The following SND1 variants were observed in gnomAD, a reference collection of about 807,000 sequenced individuals.
SND1 encodes staphylococcal nuclease and tudor domain containing 1.
Under a neutral mutation model 121.7 loss-of-function variants are expected in SND1, and 38 were observed. The observed-to-expected ratio is 0.31, with a 90% CI of 0.24 to 0.41. The LOEUF (loss-of-function observed/expected upper bound fraction) is 0.41. Ranked by LOEUF, SND1 falls within the 10% of genes least tolerant of loss-of-function variation. The pLI, the probability that SND1 is intolerant of heterozygous loss-of-function variation, is 1.00. For synonymous variants in SND1, 401 were observed against 447.4 expected (o/e 0.90, Z 1.31); for missense variants, 868 against 1,184.6 (o/e 0.73, Z 3.92).
intron 15 of SND1, 68 bp downstream of exon 15, chr7:127,929,397 T>G: frequency 6.5e-7 from 1 of 1,533,186 alleles, no homozygotes; most frequent in Non-Finnish European, 9.0e-7. Context: ...TACCCTCCTT[T>G]CCCCCTGTGT....
At chr7:127,734,232 C>T (rs1796733008) in intron 10 of SND1, among the ~76,000 whole-genome samples, 1 of 152,126 alleles carries the variant, frequency 6.6e-6, no homozygotes, top group African/African-American at 2.4e-5. Context: ...TAGCTTAGAA[C>T]ATCTCCTGAG....
At chr7:128,065,931 C>G (rs1220278620) in intron 16 of SND1, among the ~76,000 whole-genome samples, 2 of 152,210 alleles carry the variant, frequency 1.3e-5, no homozygotes, top group East Asian at 3.9e-4. Flanking sequence ...TAGCCACATC[C>G]CTGGCACCAG....
chr7:128,044,322 C>T (rs1181820417), intron 16 of SND1, among the ~76,000 whole-genome samples: 1 of 152,170 alleles, frequency 6.6e-6, no homozygotes, highest in Non-Finnish European at 1.5e-5. Context: ...CAGGCCGCAT[C>T]CACAAAGGGA....
At chr7:127,657,425 A>C (rs1450103758) in intron 1 of SND1, among the ~76,000 whole-genome samples, 1 of 152,194 alleles carries the variant, frequency 6.6e-6, no homozygotes, top group Non-Finnish European at 1.5e-5. Flanking sequence ...ACCATAAAGG[A>C]AGGGCGTTCC....
chr7:127,916,542 A>G (rs991498605), intron 14 of SND1, among the ~76,000 whole-genome samples: 1 of 152,200 alleles, frequency 6.6e-6, no homozygotes, highest in Admixed American at 6.5e-5. Context: ...TCCAGAGAAT[A>G]TTAAGAGAGA....
rs530894533 is a variant in SND1, at chr7:127,976,379, A to G, written c.1670-14568A>G. On this transcript the variant is annotated intron_variant, in intron 15 of 23. Transcript: ENST00000354725. ...AGTTAATACCTCCTGCATGGCTGCA[A>G]AAATAAAGACCAGATGCGGGTCTGT... Among the ~76,000 whole-genome samples the G allele has an allele frequency of 2.6e-5, 4 of 152,386 alleles. No homozygotes were observed. The South Asian group carries it at 6.2e-4, about 24-fold the overall frequency.
At chr7:127,703,471 T>C in intron 7 of SND1, 148 bp downstream of exon 7, 1 of 938,536 alleles carries the variant, frequency 1.1e-6, no homozygotes, top group Admixed American at 2.9e-5. Flanking sequence ...CCCACCACTT[T>C]GGGAGGCCAA....
At chr7:127,743,624 T>A (rs771333264) in intron 10 of SND1, among the ~76,000 whole-genome samples, 1 of 152,204 alleles carries the variant, frequency 6.6e-6, no homozygotes, top group Non-Finnish European at 1.5e-5. Context: ...GTGATTGGAT[T>A]CAGTAAGTCT....
At chr7:127,927,560 C>G (rs1335079819) in intron 14 of SND1, among the ~76,000 whole-genome samples, 1 of 152,154 alleles carries the variant, frequency 6.6e-6, no homozygotes, top group Non-Finnish European at 1.5e-5. Context: ...CTTAAGTGTT[C>G]AATGGGGAAG....
chr7:127,665,193 T>C (rs1326864939), intron 1 of SND1, among the ~76,000 whole-genome samples: 6 of 152,038 alleles, frequency 3.9e-5, no homozygotes, highest in Non-Finnish European at 7.4e-5. Context: ...GTCAACATTT[T>C]TTTTTTTTTT....
At chr7:127,773,191 C>T (rs149130550) in intron 10 of SND1, among the ~76,000 whole-genome samples, 2,657 of 152,268 alleles carry the variant, frequency 0.017, 38 homozygotes, top group South Asian at 0.048. Context: ...TGGTGGCTCA[C>T]GCCTGTAATC....
intron 11 of SND1, among the ~76,000 whole-genome samples, chr7:127,821,448 C>T (rs1223368712): frequency 6.6e-6 from 1 of 152,270 alleles, no homozygotes; most frequent in African/African-American, 2.4e-5. Context: ...GACTCCATGT[C>T]ATCATCTCTG....
intron 14 of SND1, among the ~76,000 whole-genome samples, chr7:127,922,175 C>CTTTTTTTTTTTTTTTTTTTTTTTT (rs1158535023): frequency 2.6e-4 from 15 of 57,192 alleles, no homozygotes; most frequent in African/African-American, 5.3e-4. Context: ...TTTTTCTTTC[C>CTTTTTTTTTTTTTTTTTTTTTTTT]TTTTTTTTTT....
chr7:127,979,332 G>A (rs1028369218), intron 15 of SND1, among the ~76,000 whole-genome samples: 1 of 152,222 alleles, frequency 6.6e-6, no homozygotes, highest in Non-Finnish European at 1.5e-5. Context: ...CTCACGGATG[G>A]AGCAATGGCG....
At chr7:128,057,393 G>A (rs1793160536) in intron 16 of SND1, among the ~76,000 whole-genome samples, 2 of 152,310 alleles carry the variant, frequency 1.3e-5, no homozygotes, top group East Asian at 1.9e-4. Flanking sequence ...ACCAAAAACA[G>A]CATTCGTTTA....
intron 15 of SND1, among the ~76,000 whole-genome samples, chr7:127,953,160 G>C (rs1349752325): frequency 9.0e-4 from 10 of 11,140 alleles, no homozygotes; most frequent in South Asian, 8.3e-3. Flanking sequence ...CCGTGTGTGT[G>C]TGTGTGTGTG....
chr7:128,019,401 C>T (rs980319213), intron 16 of SND1, among the ~76,000 whole-genome samples: 10 of 152,146 alleles, frequency 6.6e-5, no homozygotes, highest in Non-Finnish European at 7.4e-5. Flanking sequence ...TGGCACAGTT[C>T]GTCTCAACAC....
intron 10 of SND1, among the ~76,000 whole-genome samples, chr7:127,793,836 G>A (rs1797961025): frequency 6.6e-6 from 1 of 152,084 alleles, no homozygotes; most frequent in Non-Finnish European, 1.5e-5. Flanking sequence ...CCTGTGCACT[G>A]TGACTTGCCT....
intron 1 of SND1, among the ~76,000 whole-genome samples, chr7:127,670,766 C>G (rs1287994556): frequency 6.6e-6 from 1 of 151,440 alleles, no homozygotes; most frequent in African/African-American, 2.4e-5. Flanking sequence ...CTTGCCTTGG[C>G]CTCCCAAAGT....
Sources: allele counts gnomAD v4.1 joint callset (sites outside exome capture counted in the v4.1 genomes callset), GRCh38; gene constraint gnomAD v4.1.1; transcripts MANE v1.5; gene names NCBI Gene and HGNC (gene_info 2026-07-23, HGNC 2026-07-21).